IFNAR1: variants seen among roughly 807,000 people sequenced by gnomAD.
IFNAR1 encodes interferon alpha/beta receptor 1.
In IFNAR1, 47 loss-of-function variants were observed where a neutral mutation model predicts 62.1. The observed-to-expected ratio is 0.76, with a 90% CI of 0.60 to 0.97. IFNAR1 has a LOEUF of 0.97. Among genes scored for constraint, IFNAR1 ranks in the 50% least tolerant of loss-of-function variants. The pLI is 0.00. For synonymous variants in IFNAR1, 219 were observed against 226.9 expected, an observed-to-expected ratio of 0.97 and a Z score of 0.31; for missense variants, 638 against 654.5, an observed-to-expected ratio of 0.97 and a Z score of 0.27.
At chr21:33,332,390 G>T (rs1016477465) in intron 1 of IFNAR1, among the ~76,000 whole-genome samples, 1 of 152,098 alleles carries the variant, frequency 6.6e-6, no homozygotes, top group Non-Finnish European at 1.5e-5. Flanking sequence ...GCTAATAAAA[G>T]ACTTTATCTT....
rs1568929226 is a variant in IFNAR1, at chr21:33,341,141, T to G, written c.343T>G (p.Tyr115Asp). 1 of 1,613,042 alleles carries G rather than the reference T, an allele frequency of 6.2e-7. No individual in the cohort carries two copies. Among genetic ancestry groups the G allele is most frequent in the Non-Finnish European group, 8.5e-7 (1 of 1,179,484 alleles). The change falls in exon 3 of 11, where the codon TAT becomes GAT. Residue 115 changes from tyrosine to aspartate, a missense_variant. Transcript: ENST00000270139. Reference protein sequence around the residue: ...RAEKENTSSWYEVDSFTPFRK... With the variant: ...RAEKENTSSWDEVDSFTPFRK... ...AGAAAAAGAAAACACTTCTTCATGGTATGAGGTTGACTCATTTACACCATT... is the reference window on the plus strand; with the variant it reads ...AGAAAAAGAAAACACTTCTTCATGGGATGAGGTTGACTCATTTACACCATT...
intron 1 of IFNAR1, among the ~76,000 whole-genome samples, 194 bp from the exon 2 acceptor site, chr21:33,335,330 C>T: frequency 6.6e-6 from 1 of 152,058 alleles, no homozygotes; most frequent in East Asian, 1.9e-4. Flanking sequence ...CTTTTTTCAG[C>T]TCTCTCAGAT....
Position 33,345,242 on chromosome 21 carries a change from C to T in IFNAR1, c.674-4C>T, listed in dbSNP as rs2083334241. The T allele has an allele frequency of 7.1e-7, 1 of 1,409,712 alleles. No individual in the cohort carries two copies. Among genetic ancestry groups the T allele is most frequent in the South Asian group, 1.2e-5 (1 of 84,780 alleles). 87.3% of individuals were successfully genotyped at this position (1,409,712 alleles called of 1,614,324 possible). ...CTTTTTTTTATCTGTTCTTTGGCTT[C>T]TAGTTGAAAATGAACTACCTCCACC... is the stretch of plus-strand genomic sequence containing the variant. On this transcript the variant is annotated splice_region_variant and splice_polypyrimidine_tract_variant and intron_variant, in intron 5 of 10. Transcript: ENST00000270139.
upstream of IFNAR1, chr21:33,324,927 G>T: frequency 2.8e-6 from 2 of 719,148 alleles, no homozygotes; most frequent in South Asian, 1.7e-5. Context: ...CGTGCGTAGA[G>T]GGGCGGTGAG....
intron 3 of IFNAR1, 130 bp from the exon 4 acceptor site, chr21:33,343,138 T>C: frequency 1.4e-6 from 1 of 692,104 alleles, no homozygotes; most frequent in East Asian, 2.7e-5. Flanking sequence ...TACAGCTTTC[T>C]ATCCTATCTG....
upstream of IFNAR1, chr21:33,324,892 G>GGAGTGTGTGTGTGTGTGT: frequency 1.8e-6 from 1 of 571,058 alleles, no homozygotes; most frequent in Non-Finnish European, 3.1e-6. Context: ...GCGGAGGGGC[G>GGAGTGTGTGTGTGTGTGT]GTGTGTGTGT....
At chr21:33,342,478 A>G (rs762925997) in intron 3 of IFNAR1, among the ~76,000 whole-genome samples, 20 of 151,718 alleles carry the variant, frequency 1.3e-4, no homozygotes, top group Non-Finnish European at 2.8e-4. Flanking sequence ...AATGATCTGT[A>G]CTCCCTTTCT....
chr21:33,356,678 T>C lies in IFNAR1; in HGVS notation c.*1129T>C, dbSNP rs1370367472. 9 of 152,134 alleles carry C rather than the reference T, an allele frequency of 5.9e-5. No individual in the cohort carries two copies. The highest frequency in any genetic ancestry group is 2.9e-5 in the Non-Finnish European group (2 of 68,020). 9.4% of individuals were successfully genotyped at this position (152,134 alleles called of 1,614,324 possible). ...ATTGTTGTATTTTAAGATCTGAGAG[T>C]GTGTACAAGTTTTAGTATACATGCC... On this transcript the variant is annotated 3_prime_UTR_variant, in exon 11 of 11. Coordinates refer to ENST00000270139, the MANE Select transcript of IFNAR1 (RefSeq NM_000629.3).
At chr21:33,344,190 A>G (rs1233010369) in intron 5 of IFNAR1, among the ~76,000 whole-genome samples, 1 of 152,176 alleles carries the variant, frequency 6.6e-6, no homozygotes, top group African/African-American at 2.4e-5. Context: ...ATATTTTGTA[A>G]TGACAAAACT....
In IFNAR1 at chr21:33,349,099, TA is replaced by T; in HGVS notation, c.802del (p.Arg268GlyfsTer55). The T allele has an allele frequency of 6.3e-7, 1 of 1,584,720 alleles. No homozygotes were observed. The highest frequency in any genetic ancestry group is 8.6e-7 in the Non-Finnish European group (1 of 1,167,204). The stretch of plus-strand genomic sequence containing the variant: ...AATATTTGTCTTAAAAGCGCCTTTT[TA>T]AAAAGGAATCCTGGAAACCATTTGT... ...TFQVQWLHAFLKRNPGNHLYK... is the reference protein window; with the variant it reads ...TFQVQWLHAFXKRNPGNHLYK... On this transcript the variant is annotated frameshift_variant, in exon 7 of 11. Coordinates refer to ENST00000270139, the MANE Select transcript of IFNAR1 (RefSeq NM_000629.3). LOFTEE classifies it high-confidence loss of function.
intron 3 of IFNAR1, among the ~76,000 whole-genome samples, chr21:33,342,735 TA>T (rs1272313621): frequency 2.3e-4 from 35 of 149,410 alleles, no homozygotes; most frequent in African/African-American, 6.7e-4. Context: ...CGGGAGCCTG[TA>T]GTCCCAGCTA....
chr21:33,358,754 T>A lies in IFNAR1; in HGVS notation c.*3205T>A, dbSNP rs1171501261. The A allele has an allele frequency of 6.6e-6, 1 of 152,030 alleles. No homozygotes were observed. The highest frequency in any genetic ancestry group is 2.4e-5 in the African/African-American group (1 of 41,392). 9.4% of individuals were successfully genotyped at this position (152,030 alleles called of 1,614,324 possible). A position where few individuals can be genotyped will look rare whatever the true frequency, so the allele number is the denominator to read the frequency against. ...TGGCTCATGCCTATAATCTCAGCACTTTTGGGAGGCCAAGACAGGAGGATC... is the reference window on the plus strand; with the variant it reads ...TGGCTCATGCCTATAATCTCAGCACATTTGGGAGGCCAAGACAGGAGGATC... On this transcript the variant is annotated 3_prime_UTR_variant, in exon 11 of 11. Coordinates refer to ENST00000270139, the MANE Select transcript of IFNAR1 (RefSeq NM_000629.3).
chr21:33,341,071 A>C lies in IFNAR1; in HGVS notation c.273A>C (p.Ser91=), dbSNP rs1024231746. Residue 91 remains serine (S), a synonymous_variant, in exon 3 of 11, where the codon TCA becomes TCC. Transcript: ENST00000270139. ...CTAGTACCAAATGCAACTTTTCTTCACTCAAGCTGAATGTTTATGAAGAAA... is the reference window on the plus strand; with the variant it reads ...CTAGTACCAAATGCAACTTTTCTTCCCTCAAGCTGAATGTTTATGAAGAAA... ...NITSTKCNFS[S]LKLNVYEEIK... The C allele has an allele frequency of 2.5e-6, 4 of 1,612,492 alleles. No individual in the cohort carries two copies. In the African/African-American group the frequency reaches 5.3e-5, roughly 22 times the overall value.
At chr21:33,339,438 G>A (rs1385873610) in intron 2 of IFNAR1, among the ~76,000 whole-genome samples, 2 of 152,052 alleles carry the variant, frequency 1.3e-5, no homozygotes, top group Non-Finnish European at 2.9e-5. Flanking sequence ...CTTGTATTTG[G>A]TTCAGCAACA....
chr21:33,332,443 A>G (rs1021341867), intron 1 of IFNAR1, among the ~76,000 whole-genome samples: 7 of 152,198 alleles, frequency 4.6e-5, no homozygotes, highest in Non-Finnish European at 7.3e-5. Context: ...TAATTATCCT[A>G]TCAACACAAA....
intron 2 of IFNAR1, among the ~76,000 whole-genome samples, chr21:33,339,792 G>A (rs2083276565): frequency 6.6e-6 from 1 of 151,914 alleles, no homozygotes; most frequent in African/African-American, 2.4e-5. Flanking sequence ...GCCAGACGTG[G>A]TGGCACACGC....
In IFNAR1 at chr21:33,349,428, G is replaced by C. The variant is rs376589342; in HGVS notation, c.1028G>C (p.Ser343Thr). 8 of 1,610,660 alleles carry C rather than the reference G, an allele frequency of 5.0e-6. No homozygotes were observed. The highest frequency in any genetic ancestry group is 6.8e-6 in the Non-Finnish European group (8 of 1,178,208). ...CCAGTCTTTAACATTAGATCCCTTA[G>C]TGATTCATTCCATATCTATATCGGT... ...LPPVFNIRSL[S>T]DSFHIYIGAP... is the part of the protein sequence containing the mutation. The change falls in exon 8 of 11, where the codon AGT becomes ACT. Residue 343 changes from serine to threonine, a missense_variant. Physicochemically the swap from Ser to Thr is moderately conservative, Grantham distance 58. Coordinates refer to ENST00000270139, the MANE Select transcript of IFNAR1 (RefSeq NM_000629.3).
At chr21:33,326,076 A>G (rs1481743969) in intron 1 of IFNAR1, among the ~76,000 whole-genome samples, 1 of 152,206 alleles carries the variant, frequency 6.6e-6, no homozygotes, top group Non-Finnish European at 1.5e-5. Flanking sequence ...ATGAAATGTT[A>G]TCTCAATGAG....
Position 33,333,780 on chromosome 21 carries a change from C to T in IFNAR1, c.77-1744C>T, listed in dbSNP as rs545690760. The stretch of plus-strand genomic sequence containing the variant: ...CTGGGACTACAGGCGCCCGCTACCA[C>T]GCCCGGCTAATTTTTTGTATTTTTA... On this transcript the variant is annotated intron_variant, in intron 1 of 10. Transcript: ENST00000270139. 3.3e-5 allele frequency among the ~76,000 whole-genome samples: 5 copies of T among 151,904 alleles called. 1 individual carries two copies. Among genetic ancestry groups the T allele is most frequent in the African/African-American group, 9.7e-5 (4 of 41,396 alleles).
Sources: allele counts gnomAD v4.1 joint callset (sites outside exome capture counted in the v4.1 genomes callset), GRCh38; gene constraint gnomAD v4.1.1; transcripts MANE v1.5; gene names NCBI Gene and HGNC (gene_info 2026-07-23, HGNC 2026-07-21).